PGAP2: variants seen among roughly 807,000 people sequenced by gnomAD.
PGAP2 encodes acyltransferase PGAP2.
PGAP2 carries 21 observed loss-of-function variants against 33.2 expected under a neutral mutation model. That is an observed-to-expected ratio of 0.63 (90% CI 0.45 to 0.91). The LOEUF is 0.91. Ranked by LOEUF, PGAP2 falls within the 40% of genes least tolerant of loss-of-function variation. PGAP2 has a pLI of 0.00. For missense variants in PGAP2, 345 were observed against 424.0 expected, an observed-to-expected ratio of 0.81 and a Z score of 1.64; for synonymous variants, 161 against 172.9, an observed-to-expected ratio of 0.93 and a Z score of 0.54.
intron 3 of PGAP2, among the ~76,000 whole-genome samples, chr11:3,821,388 C>T (rs915629198): frequency 2.6e-5 from 4 of 152,226 alleles, no homozygotes; most frequent in Non-Finnish European, 5.9e-5. Context: ...CGCTGGCCCT[C>T]GTTGGAGGTC....
At chr11:3,799,472 C>T (rs886906733) in intron 1 of PGAP2, among the ~76,000 whole-genome samples, 7 of 151,964 alleles carry the variant, frequency 4.6e-5, no homozygotes, top group Non-Finnish European at 7.4e-5. Flanking sequence ...ACCAGGGAGG[C>T]GGAGATTACA....
chr11:3,798,120 T>A (rs2134044486), intron 1 of PGAP2: 1 of 1,463,504 alleles, frequency 6.8e-7, no homozygotes, highest in Non-Finnish European at 9.0e-7. Flanking sequence ...TCCAAAGAGT[T>A]TGCCCGAGGC....
chr11:3,804,029 G>A (rs1234554815), upstream of PGAP2, among the ~76,000 whole-genome samples: 4 of 151,370 alleles, frequency 2.6e-5, no homozygotes, highest in African/African-American at 4.9e-5. Context: ...GACCTCAGGC[G>A]ATCCGCCTGC....
upstream of PGAP2, among the ~76,000 whole-genome samples, chr11:3,807,424 C>T (rs1161426996): frequency 1.3e-5 from 2 of 150,136 alleles, no homozygotes; most frequent in African/African-American, 4.9e-5. Flanking sequence ...TCTCCTGCCT[C>T]AGCCTCCCAA....
chr11:3,811,230 G>A lies in PGAP2; in HGVS notation c.-10-20G>A, dbSNP rs753869721. 1.5e-5 allele frequency: 24 copies of A among 1,600,860 alleles called. No individual in the cohort carries two copies. The highest frequency in any genetic ancestry group is 2.0e-5 in the Non-Finnish European group (23 of 1,172,696). On this transcript the variant is annotated intron_variant, in intron 1 of 6. Transcript: ENST00000278243. The surrounding 1 kb of genome is among the most constrained non-coding windows in gnomAD (Gnocchi z 4.6). ...AGCCTGGCTGCCTGGGGCCCTGACA[G>A]CATGCCACTCCATCCCCAGGTCTGA...
chr11:3,818,659 C>T (rs1468565350), intron 3 of PGAP2, among the ~76,000 whole-genome samples: 3 of 152,170 alleles, frequency 2.0e-5, no homozygotes, highest in Admixed American at 6.5e-5. Flanking sequence ...CTTCTGTCTC[C>T]CACAATCAGT....
At chr11:3,823,193 G>T (rs551236311) in intron 3 of PGAP2, among the ~76,000 whole-genome samples, 1 of 151,552 alleles carries the variant, frequency 6.6e-6, no homozygotes, top group African/African-American at 2.4e-5. Context: ...TGGCCACCAC[G>T]CCTGGCTAAT....
At chr11:3,807,786 C>A (rs374414926), upstream of PGAP2, among the ~76,000 whole-genome samples, 6 of 152,326 alleles carry the variant, frequency 3.9e-5, no homozygotes, top group African/African-American at 1.4e-4. Flanking sequence ...CACCAGTGTG[C>A]TTGCAGGAGG....
chr11:3,800,075 T>A (rs1418729693), intron 1 of PGAP2, among the ~76,000 whole-genome samples: 1 of 152,172 alleles, frequency 6.6e-6, no homozygotes, highest in African/African-American at 2.4e-5. Flanking sequence ...AGAAAATCAA[T>A]ATATGGTTGG....
chr11:3,825,595 C>A lies in PGAP2; in HGVS notation c.*137C>A. The A allele has an allele frequency of 2.3e-6, 2 of 878,374 alleles. No homozygotes were observed. Among genetic ancestry groups the A allele is most frequent in the Non-Finnish European group, 3.4e-6 (2 of 579,876 alleles). 54.4% of individuals were successfully genotyped at this position (878,374 alleles called of 1,614,324 possible). ...GAAGGGTAAGAAGGAAGGGTGTAGG[C>A]CAAGGCTCACCCCAGTGCTGCTGGC... On this transcript the variant is annotated 3_prime_UTR_variant, in exon 7 of 7. Coordinates refer to ENST00000278243, the MANE Select transcript of PGAP2 (RefSeq NM_014489.4).
intron 2 of PGAP2, chr11:3,816,087 A>T (rs951460836): frequency 6.6e-6 from 1 of 152,244 alleles, no homozygotes; most frequent in African/African-American, 2.4e-5. Flanking sequence ...TTTATGACAT[A>T]TGCTTGTTGA....
At position 3,823,877 on chromosome 11, in the gene PGAP2, C is replaced by T; in HGVS notation, c.349-6C>T. On this transcript the variant is annotated splice_region_variant and splice_polypyrimidine_tract_variant and intron_variant, in intron 3 of 6. Transcript: ENST00000278243. ...GCAGATGCCCAGACAGGTCACAACT[C>T]TCTAGGTGCCCAATTACCTGCCCTC... 1 of 1,601,934 alleles carries T rather than the reference C, an allele frequency of 6.2e-7. No individual in the cohort carries two copies. Among genetic ancestry groups the T allele is most frequent in the Non-Finnish European group, 8.5e-7 (1 of 1,179,772 alleles).
At position 3,817,384 on chromosome 11, in the gene PGAP2, C is replaced by T. The variant is rs757735835; in HGVS notation, c.197C>T (p.Ser66Phe). The change falls in exon 3 of 7, where the codon TCC (serine) becomes TTC (phenylalanine). Residue 66 changes from serine (S) to phenylalanine (F), a missense_variant. By Grantham distance (155) the Ser-to-Phe change is radical (BLOSUM62 -2). Around this residue, in one of 2 missense-constraint regions of PGAP2, gnomAD observed 311 missense variants for 353.6 expected, o/e 0.88. Coordinates refer to ENST00000278243, the MANE Select transcript of PGAP2 (RefSeq NM_014489.4). Reference sequence around the variant, plus strand: ...CCCTGCAGGATGTTCTCTGCGGCCTCCCAGCCTTTGGACCCCGATGGGACC... The same window carrying T: ...CCCTGCAGGATGTTCTCTGCGGCCTTCCAGCCTTTGGACCCCGATGGGACC... The part of the protein sequence containing the change: ...ATPCRMFSAA[S>F]QPLDPDGTLF... 4 of 1,613,320 alleles carry T rather than the reference C, an allele frequency of 2.5e-6. No homozygotes were observed. In the East Asian group the frequency reaches 8.9e-5, roughly 36 times the overall value.
intron 1 of PGAP2, among the ~76,000 whole-genome samples, chr11:3,809,398 G>T (rs2085089257): frequency 6.6e-6 from 1 of 152,210 alleles, no homozygotes; most frequent in African/African-American, 2.4e-5. Flanking sequence ...GATCTAGAGT[G>T]CTTAAGTGGC....
intron 3 of PGAP2, 169 bp from the exon 4 acceptor site, chr11:3,823,714 C>T (rs2089427714): frequency 6.3e-6 from 10 of 1,595,486 alleles, no homozygotes; most frequent in Non-Finnish European, 6.8e-6. Flanking sequence ...GGGCCTAGGA[C>T]CTGGAAGGAG....
At chr11:3,823,659 C>T (rs973526349) in intron 3 of PGAP2, 2 of 1,548,442 alleles carry the variant, frequency 1.3e-6, no homozygotes, top group African/African-American at 2.7e-5. Flanking sequence ...CACCATGCTG[C>T]TGCACAAATC....
At chr11:3,819,294 C>T (rs1001511435) in intron 3 of PGAP2, among the ~76,000 whole-genome samples, 1 of 152,046 alleles carries the variant, frequency 6.6e-6, no homozygotes, top group Non-Finnish European at 1.5e-5. Flanking sequence ...GAAGACCACT[C>T]TAGCTTCTGA....
rs751191276 is a variant in PGAP2, at chr11:3,823,974, C to T, written c.440C>T (p.Ala147Val). ...CGTTTCTGCATCGGCCTGCACTCGG[C>T]GCCTCGCTTCTTGGTGGCCTTCGCC... ...VWRFCIGLHS[A>V]PRFLVAFAYW... Residue 147 changes from alanine (A) to valine (V), a missense_variant, in exon 4 of 7, where the codon GCG becomes GTG. Coordinates refer to ENST00000278243, the MANE Select transcript of PGAP2 (RefSeq NM_014489.4). 33 of 1,612,266 alleles carry T rather than the reference C, an allele frequency of 2.0e-5. No homozygotes were observed. In the East Asian group the frequency reaches 3.8e-4, roughly 19 times the overall value.
chr11:3,798,444 C>T (rs2082896355), intron 1 of PGAP2, among the ~76,000 whole-genome samples: 1 of 152,146 alleles, frequency 6.6e-6, no homozygotes, highest in Non-Finnish European at 1.5e-5. Context: ...ATTCTCCCGC[C>T]TTAGCCTCCC....
Sources: allele counts gnomAD v4.1 joint callset (sites outside exome capture counted in the v4.1 genomes callset), GRCh38; gene constraint gnomAD v4.1.1; regional missense constraint gnomAD v4.1.1; non-coding constraint Gnocchi (gnomAD v3.1); transcripts MANE v1.5; gene names NCBI Gene and HGNC (gene_info 2026-07-23, HGNC 2026-07-21).